WDR20: variants seen among roughly 807,000 people sequenced by gnomAD.
The protein encoded by WDR20 is WD repeat-containing protein 20.
In WDR20, 3 loss-of-function variants were observed where a neutral mutation model predicts 38.7. The ratio of observed to expected loss-of-function variants is 0.08; its 90% CI spans 0.04 to 0.20. The LOEUF (loss-of-function observed/expected upper bound fraction) is 0.20, where lower values mean the gene tolerates loss of function less well. WDR20 is among the 10% of genes least tolerant of loss of function. The probability of loss-of-function intolerance (pLI) is 1.00; values close to 1 mark genes in which losing one functional copy is unlikely to be tolerated. For synonymous variants in WDR20, 298 were observed against 285.6 expected (o/e 1.04, Z -0.44); for missense variants, 559 against 727.7 (o/e 0.77, Z 2.67).
chr14:102,222,878 G>C lies in WDR20; in HGVS notation c.1741G>C (p.Val581Leu). Residue 581 changes from valine (V) to leucine (L), a missense_variant, in exon 4 of 4, where the codon GTG (valine) becomes CTG (leucine). Physicochemically the swap from Val to Leu is conservative, Grantham distance 32. Coordinates refer to the WDR20 transcript ENST00000335263. The surrounding 1 kb of genome is among the most constrained non-coding windows in gnomAD (Gnocchi z 4.4). Reference sequence around the variant, plus strand: ...GGCCAGTTCTCCAGGTGGAACTGTAGTGTAGCGACCTCACTGCTGCGCGCA... The same window carrying C: ...GGCCAGTTCTCCAGGTGGAACTGTACTGTAGCGACCTCACTGCTGCGCGCA... 1 of 1,614,216 alleles carries C rather than the reference G, an allele frequency of 6.2e-7. No individual in the cohort carries two copies. Among genetic ancestry groups the C allele is most frequent in the South Asian group, 1.1e-5 (1 of 91,084 alleles).
At chr14:102,188,816 T>G (rs1183206571) in intron 1 of WDR20, among the ~76,000 whole-genome samples, 1 of 142,890 alleles carries the variant, frequency 7.0e-6, no homozygotes, top group Non-Finnish European at 1.5e-5. Flanking sequence ...GAGGCTGTAG[T>G]GAGCTGTATT....
intron 1 of WDR20, among the ~76,000 whole-genome samples, chr14:102,160,684 C>G (rs974298331): frequency 6.6e-6 from 1 of 151,708 alleles, no homozygotes; most frequent in Non-Finnish European, 1.5e-5. Context: ...GGCTCACGCC[C>G]ATAATCCCAG....
At position 102,207,368 on chromosome 14, in the gene WDR20, C is replaced by A. The variant is rs1036097639; in HGVS notation, c.433-1235C>A. Among the ~76,000 whole-genome samples, 2 of 152,258 alleles carry A rather than the reference C, an allele frequency of 1.3e-5. No homozygotes were observed. The highest frequency in any genetic ancestry group is 4.8e-5 in the African/African-American group (2 of 41,476). ...ATCAAGTCGTCTTATTTCTGTAATT[C>A]TCTGTAAAGATGTAGCACACATGGC... On this transcript the variant is annotated intron_variant, in intron 2 of 2. Coordinates refer to ENST00000342702, the MANE Select transcript of WDR20 (RefSeq NM_144574.4). The surrounding 1 kb of genome is among the most constrained non-coding windows in gnomAD (Gnocchi z 5.0).
chr14:102,202,528 C>T lies in WDR20; in HGVS notation c.433-6075C>T, dbSNP rs370921043. ...CTGAGTAGCTGGGACTACAGGCACCCGCCACCATGCCCAGCTAATTTTTTT... is the reference window on the plus strand; with the variant it reads ...CTGAGTAGCTGGGACTACAGGCACCTGCCACCATGCCCAGCTAATTTTTTT... On this transcript the variant is annotated intron_variant, in intron 2 of 2. Transcript: ENST00000342702. Among the ~76,000 whole-genome samples the T allele has an allele frequency of 1.8e-3, 270 of 151,830 alleles. 1 individual carries two copies. The highest frequency in any genetic ancestry group is 0.01 in the Middle Eastern group (3 of 294).
intron 1 of WDR20, among the ~76,000 whole-genome samples, chr14:102,154,938 G>A (rs1340301004): frequency 6.6e-6 from 1 of 152,122 alleles, no homozygotes; most frequent in African/African-American, 2.4e-5. Flanking sequence ...ATAATTGATA[G>A]GATTATTAAT....
intron 1 of WDR20, among the ~76,000 whole-genome samples, chr14:102,175,166 A>G (rs1278008642): frequency 3.3e-5 from 5 of 152,348 alleles, no homozygotes; most frequent in Middle Eastern, 3.4e-3. Context: ...ATTATCTTCT[A>G]GAATTTTTAT....
downstream of WDR20, chr14:102,212,442 A>G: frequency 4.0e-6 from 6 of 1,482,644 alleles, no homozygotes; most frequent in Non-Finnish European, 1.8e-6. Flanking sequence ...GGCTCAGCCC[A>G]GGCTGGCCCA....
At chr14:102,205,986 G>T (rs566753437) in intron 2 of WDR20, among the ~76,000 whole-genome samples, 8 of 151,384 alleles carry the variant, frequency 5.3e-5, no homozygotes, top group Middle Eastern at 3.4e-3. Context: ...GTTTTTTTTT[G>T]TTGTTGTTTC....
intron 1 of WDR20, among the ~76,000 whole-genome samples, chr14:102,186,981 C>T (rs1187417599): frequency 6.6e-6 from 1 of 151,958 alleles, no homozygotes; most frequent in Non-Finnish European, 1.5e-5. Context: ...CCAAGAAAAC[C>T]TGCGGAACAG....
chr14:102,202,515 G>C (rs1242882999), intron 2 of WDR20, among the ~76,000 whole-genome samples: 1 of 151,360 alleles, frequency 6.6e-6, no homozygotes, highest in East Asian at 2.0e-4. Context: ...GAGTAGCTGG[G>C]ACTACAGGCA....
chr14:102,174,650 A>C (rs192167862), intron 1 of WDR20, among the ~76,000 whole-genome samples: 2 of 151,748 alleles, frequency 1.3e-5, no homozygotes, highest in African/African-American at 4.8e-5. Flanking sequence ...CGATCTCCTG[A>C]CCTCATGATC....
downstream of WDR20, chr14:102,215,078 T>G (rs749330374): frequency 8.5e-6 from 7 of 819,892 alleles, no homozygotes; most frequent in African/African-American, 1.9e-5. Context: ...CAGAAAAGTT[T>G]TTAAATGCTG....
At chr14:102,153,548 T>C (rs1158793077) in intron 1 of WDR20, among the ~76,000 whole-genome samples, 1 of 151,904 alleles carries the variant, frequency 6.6e-6, no homozygotes, top group African/African-American at 2.4e-5. Context: ...CCTCATGATC[T>C]GCCCGCCTCA....
downstream of WDR20, among the ~76,000 whole-genome samples, chr14:102,215,913 C>CT (rs1168106215): frequency 6.6e-6 from 1 of 152,206 alleles, no homozygotes; most frequent in African/African-American, 2.4e-5. Context: ...ACCCGCAGGC[C>CT]TACCCCCCTG....
intron 1 of WDR20, among the ~76,000 whole-genome samples, chr14:102,140,500 C>T (rs949912744): frequency 1.4e-4 from 22 of 152,040 alleles, no homozygotes; most frequent in African/African-American, 4.8e-4. Context: ...TGCGAGTCCC[C>T]GGAAGAGGTG....
At chr14:102,168,089 C>A (rs191725907) in intron 1 of WDR20, among the ~76,000 whole-genome samples, 97 of 152,278 alleles carry the variant, frequency 6.4e-4, no homozygotes, top group African/African-American at 2.0e-3. Flanking sequence ...TCATTTCTCT[C>A]TACTGTATTT....
chr14:102,200,462 TTTTTTTGTGTGTGTG>T, intron 2 of WDR20, among the ~76,000 whole-genome samples: 1 of 97,948 alleles, frequency 1.0e-5, no homozygotes, highest in African/African-American at 4.1e-5. Flanking sequence ...TTTAAATTTT[TTTTTTTGTGTGTGTG>T]TGTGTGTGTG....
At position 102,161,579 on chromosome 14, in the gene WDR20, A is replaced by G. The variant is rs79406878; in HGVS notation, c.249+21407A>G. Among the ~76,000 whole-genome samples the G allele has an allele frequency of 3.9e-3, 587 of 152,176 alleles. 9 individuals are homozygous for G. In the East Asian group the frequency reaches 0.048, roughly 13 times the overall value. On this transcript the variant is annotated intron_variant, in intron 1 of 2. Coordinates refer to ENST00000342702, the MANE Select transcript of WDR20 (RefSeq NM_144574.4). ...AGCATACTTAGGAATGTTGTGGTTT[A>G]CAAGTAACAGGAAACCCATTCAAAC...
chr14:102,160,540 G>A (rs141306721), intron 1 of WDR20, among the ~76,000 whole-genome samples: 1 of 152,056 alleles, frequency 6.6e-6, no homozygotes, highest in Admixed American at 6.6e-5. Flanking sequence ...TTCCATTTTA[G>A]TAAAAGAGAG....
Sources: gnomAD v4.1 joint callset for allele counts (sites outside exome capture counted in the v4.1 genomes callset) on GRCh38, gnomAD v4.1.1 for gene constraint, Gnocchi (gnomAD v3.1) non-coding constraint, MANE v1.5 for transcripts, NCBI Gene and HGNC (gene_info 2026-07-23, HGNC 2026-07-21) for gene names.